The following FOXP2 variants were observed in gnomAD, a reference collection of about 807,000 sequenced individuals.
The protein encoded by FOXP2 is forkhead box protein P2.
Under a neutral mutation model 115.8 loss-of-function variants are expected in FOXP2, and 12 were observed. The ratio of observed to expected loss-of-function variants is 0.10; its 90% CI spans 0.07 to 0.17. The LOEUF is 0.17. Ranked by LOEUF, FOXP2 falls within the 10% of genes least tolerant of loss-of-function variation. FOXP2 has a pLI of 1.00. For synonymous variants in FOXP2, 328 were observed against 297.7 expected (o/e 1.10, Z -1.05); for missense variants, 629 against 843.5 (o/e 0.75, Z 3.15).
At chr7:114,244,926 T>C (rs1343013794) in intron 1 of FOXP2, among the ~76,000 whole-genome samples, 1 of 151,980 alleles carries the variant, frequency 6.6e-6, no homozygotes, top group African/African-American at 2.4e-5. Flanking sequence ...CACGCCCGGC[T>C]AATTTTTTTG....
rs760143790 is a variant in FOXP2 at position 114,663,430 on chromosome 7, T to TTA, written c.1770-14_1770-13dup. On this transcript the variant is annotated intron_variant, in intron 14 of 16. Coordinates refer to ENST00000350908, the MANE Select transcript of FOXP2 (RefSeq NM_014491.4). Reference sequence around the variant, plus strand: ...TTATATTTTGACGTATAAATGATCTTTATATATTTTTTTTTTCAGAAGTCC... The same window carrying TTA: ...TTATATTTTGACGTATAAATGATCTTTATATATATTTTTTTTTTCAGAAGTCC... 2.2e-4 allele frequency: 326 copies of TTA among 1,494,924 alleles called. No individual in the cohort carries two copies. The highest frequency in any genetic ancestry group is 2.8e-4 in the Non-Finnish European group (304 of 1,077,022). 92.6% of individuals were successfully genotyped at this position (1,494,924 alleles called of 1,614,324 possible).
chr7:114,244,377 G>A (rs1179995767), intron 1 of FOXP2, among the ~76,000 whole-genome samples: 1 of 152,150 alleles, frequency 6.6e-6, no homozygotes, highest in Non-Finnish European at 1.5e-5. Context: ...CACATTAAAT[G>A]TAGTGGTCCT....
chr7:114,322,324 G>A (rs1302568648), intron 2 of FOXP2, among the ~76,000 whole-genome samples: 1 of 150,222 alleles, frequency 6.7e-6, no homozygotes, highest in Non-Finnish European at 1.5e-5. Context: ...TACCCTGACA[G>A]ATAATTGCTT....
chr7:114,265,663 G>T (rs999585330), intron 1 of FOXP2, among the ~76,000 whole-genome samples: 1 of 152,072 alleles, frequency 6.6e-6, no homozygotes, highest in Non-Finnish European at 1.5e-5. Flanking sequence ...AACAACCCTA[G>T]TAGAGGTTCT....
At chr7:114,197,139 AG>A (rs1178046666) in intron 1 of FOXP2, among the ~76,000 whole-genome samples, 1 of 152,154 alleles carries the variant, frequency 6.6e-6, no homozygotes, top group Non-Finnish European at 1.5e-5. Flanking sequence ...TTGAGGCTGC[AG>A]TGAACTGTGA....
chr7:114,576,360 C>G (rs1801575681), intron 3 of FOXP2, among the ~76,000 whole-genome samples: 2 of 151,814 alleles, frequency 1.3e-5, no homozygotes, highest in South Asian at 4.1e-4. Flanking sequence ...AGAAACTTCT[C>G]CTGAGTGGTT....
chr7:114,648,718 A>C (rs927347329), intron 8 of FOXP2, among the ~76,000 whole-genome samples: 19 of 152,076 alleles, frequency 1.2e-4, no homozygotes, highest in Non-Finnish European at 1.6e-4. Context: ...GATACTACCT[A>C]CCTAACACAC....
At chr7:114,404,427 T>G (rs1314826104) in intron 2 of FOXP2, among the ~76,000 whole-genome samples, 1 of 152,112 alleles carries the variant, frequency 6.6e-6, no homozygotes, top group Non-Finnish European at 1.5e-5. Flanking sequence ...TTGAGCATGA[T>G]CAGATACTGG....
chr7:114,145,436 CTTTTCTTT>C (rs1409494178), intron 1 of FOXP2, among the ~76,000 whole-genome samples: 6 of 27,286 alleles, frequency 2.2e-4, no homozygotes, highest in South Asian at 1.2e-3. Flanking sequence ...GCCATTTTTT[CTTTTCTTT>C]TCTTTTCTTT....
chr7:114,455,169 C>T (rs1795255597), intron 2 of FOXP2, among the ~76,000 whole-genome samples: 1 of 151,940 alleles, frequency 6.6e-6, no homozygotes, highest in Admixed American at 6.6e-5. Context: ...TAAGATATTC[C>T]TTAAGAATTT....
chr7:114,484,953 G>C (rs957687854), intron 2 of FOXP2, among the ~76,000 whole-genome samples: 3 of 151,576 alleles, frequency 2.0e-5, no homozygotes, highest in African/African-American at 7.3e-5. Context: ...TATGTACTCT[G>C]GATTTAAATA....
intron 2 of FOXP2, among the ~76,000 whole-genome samples, chr7:114,328,271 C>T (rs1797610700): frequency 7.1e-6 from 1 of 140,014 alleles, no homozygotes; most frequent in African/African-American, 2.7e-5. Flanking sequence ...GAGTCTTGCT[C>T]TGTCGCCCAG....
chr7:114,424,752 G>A (rs75269161), intron 1 of FOXP2, among the ~76,000 whole-genome samples: 24 of 151,054 alleles, frequency 1.6e-4, no homozygotes, highest in East Asian at 1.4e-3. Context: ...AACACATTTC[G>A]CTCAAAAATT....
intron 2 of FOXP2, among the ~76,000 whole-genome samples, chr7:114,475,823 A>G (rs1244455055): frequency 6.6e-6 from 1 of 151,872 alleles, no homozygotes; most frequent in Non-Finnish European, 1.5e-5. Flanking sequence ...ACTAATATCT[A>G]TATCTATCTA....
intron 2 of FOXP2, 102 bp from the exon 3 acceptor site, chr7:114,534,515 T>G: frequency 2.1e-6 from 2 of 931,616 alleles, no homozygotes; most frequent in Non-Finnish European, 1.8e-6. Context: ...GAAAGGAATA[T>G]GGGAGTTCTT....
chr7:114,361,594 A>G (rs780153712), intron 2 of FOXP2, among the ~76,000 whole-genome samples: 3 of 152,110 alleles, frequency 2.0e-5, no homozygotes, highest in Non-Finnish European at 2.9e-5. Context: ...ATAGTCAACT[A>G]GTTTTTGTTT....
chr7:114,477,191 G>GA (rs1180825326), intron 2 of FOXP2, among the ~76,000 whole-genome samples: 1 of 151,794 alleles, frequency 6.6e-6, no homozygotes, highest in East Asian at 1.9e-4. Flanking sequence ...ACTCACTAAA[G>GA]AAAAAATAAG....
intron 2 of FOXP2, among the ~76,000 whole-genome samples, chr7:114,317,529 C>T (rs1797302956): frequency 1.3e-5 from 2 of 151,568 alleles, no homozygotes; most frequent in Admixed American, 1.3e-4. Flanking sequence ...ACTATCTCCA[C>T]ATCTGCCACC....
chr7:114,396,549 T>C (rs1400107220), intron 2 of FOXP2, among the ~76,000 whole-genome samples: 1 of 152,130 alleles, frequency 6.6e-6, no homozygotes, highest in Non-Finnish European at 1.5e-5. Flanking sequence ...TTAATTTTTT[T>C]TTAGTAACTT....
Sources: gnomAD v4.1 joint callset for allele counts (sites outside exome capture counted in the v4.1 genomes callset) on GRCh38, gnomAD v4.1.1 for gene constraint, MANE v1.5 for transcripts, NCBI Gene and HGNC (gene_info 2026-07-23, HGNC 2026-07-21) for gene names.